CAST: variants seen among roughly 807,000 people sequenced by gnomAD.
The protein encoded by CAST is MIR583 host.
In CAST, 76 loss-of-function variants were observed where a neutral mutation model predicts 119.6. That is an observed-to-expected ratio of 0.64 (90% confidence interval 0.53 to 0.77). The LOEUF (loss-of-function observed/expected upper bound fraction) is 0.77, where lower values mean the gene tolerates loss of function less well. Ranked by LOEUF, CAST falls within the 30% of genes least tolerant of loss-of-function variation. CAST has a pLI of 0.00. For synonymous variants in CAST, 319 were observed against 331.6 expected, an observed-to-expected ratio of 0.96 and a Z score of 0.41; for missense variants, 953 against 946.5, an observed-to-expected ratio of 1.01 and a Z score of -0.09.
the CAST span, chr5:96,422,077 G>C: frequency 5.7e-6 from 4 of 695,896 alleles, no homozygotes; most frequent in East Asian, 1.0e-4. Context: ...TAGCTCAAAA[G>C]CCTGCATTTT....
At chr5:96,264,000 A>T in the CAST span, among the ~76,000 whole-genome samples, 1 of 152,332 alleles carries the variant, frequency 6.6e-6, no homozygotes, top group South Asian at 2.1e-4. Context: ...ACATGTGGAG[A>T]TTATAATTCA....
upstream of CAST, among the ~76,000 whole-genome samples, chr5:96,659,581 T>C (rs536561032): frequency 2.4e-4 from 37 of 152,288 alleles, no homozygotes; most frequent in African/African-American, 8.7e-4. Flanking sequence ...CAGGCTGGAG[T>C]GCAATGGGAC....
the CAST span, among the ~76,000 whole-genome samples, chr5:96,285,455 T>G: frequency 3.3e-5 from 5 of 152,238 alleles, no homozygotes; most frequent in Non-Finnish European, 7.3e-5. Context: ...GAGAATTTAT[T>G]TGATTCTTTA....
At chr5:96,431,235 C>T in the CAST span, among the ~76,000 whole-genome samples, 1 of 152,208 alleles carries the variant, frequency 6.6e-6, no homozygotes, top group African/African-American at 2.4e-5. Context: ...AGACTTACTA[C>T]TAAACTGTAT....
chr5:96,160,779 GTCTT>G, the CAST span, among the ~76,000 whole-genome samples: 5 of 152,122 alleles, frequency 3.3e-5, no homozygotes, highest in African/African-American at 1.2e-4. Context: ...CTTATTTTCT[GTCTT>G]TCTTATAATA....
chr5:96,186,357 T>C, the CAST span, among the ~76,000 whole-genome samples: 1 of 152,300 alleles, frequency 6.6e-6, no homozygotes, highest in South Asian at 2.1e-4. Flanking sequence ...TCTGTCTGAT[T>C]GCCCTGGCCA....
At chr5:96,665,985 C>T (rs112041437) in intron 1 of CAST, among the ~76,000 whole-genome samples, 16 of 151,926 alleles carry the variant, frequency 1.1e-4, no homozygotes, top group African/African-American at 3.6e-4. Context: ...ACACAGATAT[C>T]GGTATATACA....
chr5:96,370,745 C>A, the CAST span, among the ~76,000 whole-genome samples: 2 of 152,188 alleles, frequency 1.3e-5, no homozygotes, highest in Admixed American at 1.3e-4. Flanking sequence ...TCAGAGAGAC[C>A]TGATGTGGTG....
chr5:96,325,517 T>C, the CAST span, among the ~76,000 whole-genome samples: 2 of 151,946 alleles, frequency 1.3e-5, no homozygotes, highest in Non-Finnish European at 2.9e-5. Context: ...ACTCGCTCTG[T>C]TGCCCAGGCT....
At chr5:96,283,125 G>A in the CAST span, among the ~76,000 whole-genome samples, 1 of 22,846 alleles carries the variant, frequency 4.4e-5, no homozygotes, top group African/African-American at 2.5e-4. Context: ...GCGAGACTCC[G>A]TCTCAAAAAA....
intron 1 of CAST, among the ~76,000 whole-genome samples, chr5:96,650,280 C>A (rs983379101): frequency 6.6e-6 from 1 of 152,158 alleles, no homozygotes; most frequent in Non-Finnish European, 1.5e-5. Context: ...GGACTCTTCA[C>A]GCATTTTCCT....
the CAST span, among the ~76,000 whole-genome samples, chr5:96,106,529 G>C: frequency 6.6e-6 from 1 of 151,096 alleles, no homozygotes; most frequent in Non-Finnish European, 1.5e-5. Flanking sequence ...GTAGTTGAGC[G>C]GTTTTGAGTG....
the CAST span, among the ~76,000 whole-genome samples, chr5:96,012,631 A>T: frequency 6.6e-6 from 1 of 152,154 alleles, no homozygotes; most frequent in Non-Finnish European, 1.5e-5. Flanking sequence ...GAAAAGTTAC[A>T]CCTACTCTTT....
intron 9 of CAST, among the ~76,000 whole-genome samples, chr5:96,732,815 C>G (rs1297139999): frequency 2.0e-5 from 3 of 151,968 alleles, no homozygotes; most frequent in Admixed American, 1.3e-4. Flanking sequence ...AACGTTAGAC[C>G]TAAAAGCAAT....
chr5:96,004,766 C>A, the CAST span, among the ~76,000 whole-genome samples: 1 of 152,080 alleles, frequency 6.6e-6, no homozygotes, highest in Non-Finnish European at 1.5e-5. Flanking sequence ...GAGATATCAA[C>A]AAAATTTTTG....
chr5:96,660,291 C>T (rs116111052), upstream of CAST, among the ~76,000 whole-genome samples: 91 of 152,264 alleles, frequency 6.0e-4, no homozygotes, highest in African/African-American at 2.2e-3. Context: ...CCTGTGGAAC[C>T]CCAAACTCCC....
chr5:96,489,503 C>A, the CAST span, among the ~76,000 whole-genome samples: 15 of 152,198 alleles, frequency 9.9e-5, no homozygotes, highest in Non-Finnish European at 1.8e-4. Context: ...CATACACAGA[C>A]TTACATATGC....
At chr5:96,146,943 A>T in the CAST span, among the ~76,000 whole-genome samples, 66 of 152,314 alleles carry the variant, frequency 4.3e-4, no homozygotes, top group Middle Eastern at 6.8e-3. Flanking sequence ...GTTACTTTGT[A>T]TCAAAGTCCA....
chr5:96,065,859 A>G, the CAST span, among the ~76,000 whole-genome samples: 2 of 152,110 alleles, frequency 1.3e-5, no homozygotes, highest in South Asian at 2.1e-4. Flanking sequence ...TCACCTTACT[A>G]TGACTATGAA....
Sources: gnomAD v4.1 joint callset for allele counts (sites outside exome capture counted in the v4.1 genomes callset) on GRCh38, gnomAD v4.1.1 for gene constraint, MANE v1.5 for transcripts, NCBI Gene and HGNC (gene_info 2026-07-23, HGNC 2026-07-21) for gene names.